ARHGAP24: variants seen among roughly 807,000 people sequenced by gnomAD.
The protein encoded by ARHGAP24 is rho GTPase-activating protein 24.
In ARHGAP24, 50 loss-of-function variants were observed where a neutral mutation model predicts 76.4. That is an observed-to-expected ratio of 0.65 (90% confidence interval 0.52 to 0.83). ARHGAP24 has a LOEUF of 0.83. Ranked by LOEUF, ARHGAP24 falls within the 40% of genes least tolerant of loss-of-function variation. ARHGAP24 has a pLI of 0.00. For missense variants in ARHGAP24, 930 were observed against 914.2 expected, an observed-to-expected ratio of 1.02 and a Z score of -0.22; for synonymous variants, 345 against 323.3, an observed-to-expected ratio of 1.07 and a Z score of -0.72.
chr4:85,853,773 G>A (rs532878687), intron 3 of ARHGAP24, among the ~76,000 whole-genome samples: 5 of 152,184 alleles, frequency 3.3e-5, no homozygotes, highest in African/African-American at 1.2e-4. Context: ...GGCCAACATG[G>A]TGAAACCTCG....
At chr4:85,806,988 C>T (rs1438000649) in intron 3 of ARHGAP24, among the ~76,000 whole-genome samples, 2 of 152,130 alleles carry the variant, frequency 1.3e-5, no homozygotes, top group Non-Finnish European at 2.9e-5. Flanking sequence ...ACCTTTTTAA[C>T]CAAATCAAAG....
chr4:85,934,767 G>T (rs373511549), intron 4 of ARHGAP24, among the ~76,000 whole-genome samples: 1 of 152,034 alleles, frequency 6.6e-6, no homozygotes, highest in African/African-American at 2.4e-5. Context: ...CTCCCACCTC[G>T]GCCTCCCAAA....
At chr4:85,736,372 A>AAAAG (rs371173805) in intron 3 of ARHGAP24, among the ~76,000 whole-genome samples, 5 of 152,110 alleles carry the variant, frequency 3.3e-5, no homozygotes, top group South Asian at 2.1e-4. Flanking sequence ...TTTGTTGAAC[A>AAAAG]AAAGAAAGAA....
In ARHGAP24 at chr4:85,597,151, A is replaced by G. The variant is rs553727776; in HGVS notation, c.180+26430A>G. On this transcript the variant is annotated intron_variant, in intron 2 of 9. Coordinates refer to ENST00000395184, the MANE Select transcript of ARHGAP24 (RefSeq NM_001025616.3). ...CATGTGTTACTTTCATGAATAAATT[A>G]CATGTTAGAAATCAAGCTTAGAAAG... Among the ~76,000 whole-genome samples the G allele has an allele frequency of 1.4e-4, 21 of 152,262 alleles. No homozygotes were observed. The South Asian group carries it at 4.3e-3, about 32-fold the overall frequency.
intron 2 of ARHGAP24, among the ~76,000 whole-genome samples, chr4:85,610,446 A>G (rs6826465): frequency 1.3e-5 from 1 of 78,448 alleles, no homozygotes; most frequent in Non-Finnish European, 2.2e-5. Flanking sequence ...GTGAGACTCC[A>G]TCTACAAAAA....
intron 2 of ARHGAP24, among the ~76,000 whole-genome samples, chr4:85,586,806 G>T (rs1309624389): frequency 2.0e-5 from 3 of 152,124 alleles, no homozygotes; most frequent in African/African-American, 7.2e-5. Flanking sequence ...GCTGAGGCAG[G>T]AGAATCGCTT....
intron 2 of ARHGAP24, among the ~76,000 whole-genome samples, chr4:85,649,787 T>A (rs1209889766): frequency 2.6e-5 from 4 of 152,170 alleles, no homozygotes; most frequent in Non-Finnish European, 5.9e-5. Context: ...GACTATATCC[T>A]GGCACTGTGT....
intron 3 of ARHGAP24, among the ~76,000 whole-genome samples, chr4:85,816,375 A>G (rs879392657): frequency 2.6e-5 from 4 of 152,150 alleles, no homozygotes; most frequent in African/African-American, 4.8e-5. Context: ...GATTCCACAT[A>G]TAATTGAGAT....
intron 8 of ARHGAP24, among the ~76,000 whole-genome samples, chr4:85,982,345 A>G (rs1480803286): frequency 2.1e-5 from 3 of 146,082 alleles, no homozygotes; most frequent in Non-Finnish European, 4.5e-5. Flanking sequence ...TAATTGTGTA[A>G]GGGATAGGTG....
chr4:85,868,754 C>G (rs190762564), intron 3 of ARHGAP24, among the ~76,000 whole-genome samples: 84 of 152,084 alleles, frequency 5.5e-4, no homozygotes, highest in South Asian at 1.7e-3. Flanking sequence ...TATCTAAGAA[C>G]TCTCTACACT....
chr4:85,918,911 CA>C (rs1735564965), intron 3 of ARHGAP24, among the ~76,000 whole-genome samples: 1 of 152,024 alleles, frequency 6.6e-6, no homozygotes, highest in African/African-American at 2.4e-5. Context: ...TACTTTCCGA[CA>C]TGTGTTATTT....
intron 3 of ARHGAP24, among the ~76,000 whole-genome samples, chr4:85,857,511 G>T (rs1488945679): frequency 6.6e-6 from 1 of 151,726 alleles, no homozygotes; most frequent in African/African-American, 2.4e-5. Context: ...GTATTTTTTT[G>T]GTTTCCCCCA....
intron 1 of ARHGAP24, among the ~76,000 whole-genome samples, chr4:85,482,356 A>G (rs901578034): frequency 1.3e-5 from 2 of 152,186 alleles, no homozygotes; most frequent in Non-Finnish European, 2.9e-5. Flanking sequence ...TTTATTGGTG[A>G]CAACTTATGC....
chr4:85,827,736 G>T, intron 3 of ARHGAP24: 1 of 357,792 alleles, frequency 2.8e-6, no homozygotes, highest in Non-Finnish European at 5.5e-6. Context: ...GACCTTGCAG[G>T]ACTCAGCGTT....
At chr4:85,617,086 T>C (rs934608370) in intron 2 of ARHGAP24, among the ~76,000 whole-genome samples, 8 of 147,428 alleles carry the variant, frequency 5.4e-5, no homozygotes, top group Non-Finnish European at 9.0e-5. Context: ...AAATATGTAT[T>C]ATATATATTT....
intron 3 of ARHGAP24, among the ~76,000 whole-genome samples, chr4:85,895,854 AC>A (rs1734149782): frequency 6.6e-6 from 1 of 152,142 alleles, no homozygotes; most frequent in African/African-American, 2.4e-5. Flanking sequence ...TAGGCTGCCT[AC>A]CTGATAATAT....
chr4:85,649,010 TA>T (rs1180691810), intron 2 of ARHGAP24, among the ~76,000 whole-genome samples: 2 of 25,370 alleles, frequency 7.9e-5, no homozygotes, highest in Non-Finnish European at 3.6e-4. Flanking sequence ...CATTTGTAAA[TA>T]TGTGTGTGTG....
intron 2 of ARHGAP24, among the ~76,000 whole-genome samples, chr4:85,665,203 T>C (rs547098397): frequency 6.6e-6 from 1 of 152,310 alleles, no homozygotes; most frequent in African/African-American, 2.4e-5. Context: ...TGCTCCTGTA[T>C]TGGGTGCATA....
intron 3 of ARHGAP24, among the ~76,000 whole-genome samples, chr4:85,867,877 CATAT>C (rs1042556678): frequency 7.8e-6 from 1 of 127,464 alleles, no homozygotes; most frequent in African/African-American, 2.8e-5. Context: ...TATATATAAA[CATAT>C]ATAATGTGTG....
Sources: gnomAD v4.1 joint callset for allele counts (sites outside exome capture counted in the v4.1 genomes callset) on GRCh38, gnomAD v4.1.1 for gene constraint, MANE v1.5 for transcripts, NCBI Gene and HGNC (gene_info 2026-07-23, HGNC 2026-07-21) for gene names.